The following HOTAIR variants were observed in gnomAD, a reference collection of about 807,000 sequenced individuals.
The protein encoded by HOTAIR is HOX transcript antisense RNA (non-protein coding).
rs146287117 is a variant in HOTAIR at position 53,973,630 on chromosome 12, C to T, written n.59+1268G>A. 6.2e-7 allele frequency: 1 copy of T among 1,613,770 alleles called. No homozygotes were observed. Among genetic ancestry groups the T allele is most frequent in the Non-Finnish European group, 8.5e-7 (1 of 1,180,018 alleles). ...GGCGGCCACCACCACCCCAGCGCCCCGCACGCAACCCCCGCCGGCTTCTAC... is the reference window on the plus strand; with the variant it reads ...GGCGGCCACCACCACCCCAGCGCCCTGCACGCAACCCCCGCCGGCTTCTAC... On this transcript the variant is annotated intron_variant and non_coding_transcript_variant, in intron 1 of 6. Coordinates refer to ENST00000424518, the Ensembl canonical transcript of HOTAIR. This position sits in a 1 kb window ranked among gnomAD's most constrained non-coding sequence, Gnocchi z 4.3.
intron 3 of HOTAIR, among the ~76,000 whole-genome samples, chr12:53,966,980 AAAG>A (rs1426075692): frequency 6.6e-6 from 1 of 152,212 alleles, no homozygotes; most frequent in Non-Finnish European, 1.5e-5. Context: ...GAACAGAGAG[AAAG>A]AAGGAGAGGA....
In HOTAIR at chr12:53,973,295, G is replaced by A. The variant is rs763832970; in HGVS notation, n.59+1603C>T. The A allele has an allele frequency of 1.2e-6, 2 of 1,613,828 alleles. No homozygotes were observed. The highest frequency in any genetic ancestry group is 1.7e-6 in the Non-Finnish European group (2 of 1,180,002). ...TCTGCTCTCCGTCGCGCAAGGAGAGGGGCGCAGATTTCGGCGAGCGAGGGA... is the reference window on the plus strand; with the variant it reads ...TCTGCTCTCCGTCGCGCAAGGAGAGAGGCGCAGATTTCGGCGAGCGAGGGA... On this transcript the variant is annotated intron_variant and non_coding_transcript_variant, in intron 1 of 6. Coordinates refer to ENST00000424518, the Ensembl canonical transcript of HOTAIR. The surrounding 1 kb of genome is among the most constrained non-coding windows in gnomAD (Gnocchi z 4.3).
chr12:53,970,494 G>A (rs150448491), intron 1 of HOTAIR, among the ~76,000 whole-genome samples: 57 of 152,324 alleles, frequency 3.7e-4, no homozygotes, highest in Non-Finnish European at 7.1e-4. Context: ...TTCCTTGACC[G>A]TAGCAGCAAC....
chr12:53,971,996 G>T (rs996135672), intron 1 of HOTAIR, among the ~76,000 whole-genome samples: 2 of 152,164 alleles, frequency 1.3e-5, no homozygotes, highest in Non-Finnish European at 1.5e-5. Flanking sequence ...GGGAGTGGCC[G>T]CTGGGCCTCC....
chr12:53,973,439 A>G lies in HOTAIR; in HGVS notation n.59+1459T>C. The G allele has an allele frequency of 6.2e-7, 1 of 1,613,950 alleles. No individual in the cohort carries two copies. The highest frequency in any genetic ancestry group is 8.5e-7 in the Non-Finnish European group (1 of 1,179,994). On this transcript the variant is annotated intron_variant and non_coding_transcript_variant, in intron 1 of 6. Coordinates refer to ENST00000424518, the Ensembl canonical transcript of HOTAIR. The surrounding 1 kb of genome is among the most constrained non-coding windows in gnomAD (Gnocchi z 4.3). ...AGATCTCCTATCCCTACTCGGCCCA[A>G]GTGCCCCCGGTCCGGGAGGTCTCCT...
rs1440324798 is a variant in HOTAIR, at chr12:53,973,225, G to C, written n.59+1673C>G. The C allele has an allele frequency of 6.5e-6, 10 of 1,537,206 alleles. No homozygotes were observed. The highest frequency in any genetic ancestry group is 8.7e-6 in the Non-Finnish European group (10 of 1,146,376). ...GGGTCCAAAACCTCCATCCGGAGCC[G>C]GCAGGAGAGGAGAACGATGTTTAAC... On this transcript the variant is annotated intron_variant and non_coding_transcript_variant, in intron 1 of 6. Coordinates refer to ENST00000424518, the Ensembl canonical transcript of HOTAIR. The surrounding 1 kb of genome is among the most constrained non-coding windows in gnomAD (Gnocchi z 4.3).
intron 3 of HOTAIR, chr12:53,966,639 C>T (rs1939059398): frequency 6.6e-6 from 1 of 152,254 alleles, no homozygotes; most frequent in Non-Finnish European, 1.5e-5. Flanking sequence ...ATGCTGCAGT[C>T]GGTGGAACTG....
chr12:53,973,730 C>A lies in HOTAIR; in HGVS notation n.59+1168G>T, dbSNP rs535587006. 109 of 1,612,126 alleles carry A rather than the reference C, an allele frequency of 6.8e-5. 2 individuals carry two copies. The South Asian group carries it at 1.1e-3, about 16-fold the overall frequency. On this transcript the variant is annotated intron_variant and non_coding_transcript_variant, in intron 1 of 6. Transcript: ENST00000424518. The surrounding 1 kb of genome is among the most constrained non-coding windows in gnomAD (Gnocchi z 4.3). ...TCGACAACGCCTACTGCGGTGGCGG[C>A]GACCCGCCCGCCGAGCCCCCCTGCT...
Position 53,973,627 on chromosome 12 carries a change from C to T in HOTAIR, n.59+1271G>A. ...TACGGCGGCCACCACCACCCCAGCG[C>T]CCCGCACGCAACCCCCGCCGGCTTC... On this transcript the variant is annotated intron_variant and non_coding_transcript_variant, in intron 1 of 6. Coordinates refer to ENST00000424518, the Ensembl canonical transcript of HOTAIR. This position sits in a 1 kb window ranked among gnomAD's most constrained non-coding sequence, Gnocchi z 4.3. The T allele has an allele frequency of 6.2e-7, 1 of 1,613,776 alleles. No homozygotes were observed. The highest frequency in any genetic ancestry group is 2.2e-5 in the East Asian group (1 of 44,876).
intron 1 of HOTAIR, chr12:53,974,821 C>T (rs1242132180): frequency 9.9e-6 from 2 of 202,210 alleles, no homozygotes. Context: ...GCTTTCCGAA[C>T]CACTAGGAGG....
chr12:53,973,276 C>A lies in HOTAIR; in HGVS notation n.59+1622G>T. The A allele has an allele frequency of 2.5e-6, 4 of 1,612,522 alleles. No individual in the cohort carries two copies. Among genetic ancestry groups the A allele is most frequent in the Non-Finnish European group, 3.4e-6 (4 of 1,179,576 alleles). On this transcript the variant is annotated intron_variant and non_coding_transcript_variant, in intron 1 of 6. Transcript: ENST00000424518. This position sits in a 1 kb window ranked among gnomAD's most constrained non-coding sequence, Gnocchi z 4.3. The stretch of plus-strand genomic sequence containing the variant: ...TCGGTCAACCTGGGCAACTTCTGCT[C>A]TCCGTCGCGCAAGGAGAGGGGCGCA...
At chr12:53,972,560 G>A (rs991231911) in intron 1 of HOTAIR, among the ~76,000 whole-genome samples, 2 of 152,186 alleles carry the variant, frequency 1.3e-5, no homozygotes, top group Non-Finnish European at 2.9e-5. Context: ...ATACTCTTCC[G>A]GGAGTCTCTC....
chr12:53,971,133 C>G (rs1209055988), intron 1 of HOTAIR, among the ~76,000 whole-genome samples: 30 of 152,214 alleles, frequency 2.0e-4, no homozygotes, highest in Non-Finnish European at 2.9e-5. Context: ...GGCCCCATCT[C>G]ACTCTATAAA....
At chr12:53,967,074 A>C (rs1389572732) in intron 3 of HOTAIR, among the ~76,000 whole-genome samples, 2 of 152,202 alleles carry the variant, frequency 1.3e-5, no homozygotes, top group African/African-American at 4.8e-5. Flanking sequence ...CTCTGGGCTC[A>C]TGGAGACATT....
At chr12:53,965,170 C>T (rs944329771) in intron 5 of HOTAIR, among the ~76,000 whole-genome samples, 20 of 152,164 alleles carry the variant, frequency 1.3e-4, no homozygotes, top group African/African-American at 4.6e-4. Context: ...CCTCAGATGT[C>T]TTAAGGGAAA....
At chr12:53,964,457 G>C (rs1276941980) in intron 5 of HOTAIR, among the ~76,000 whole-genome samples, 2 of 152,150 alleles carry the variant, frequency 1.3e-5, no homozygotes, top group Non-Finnish European at 2.9e-5. Flanking sequence ...GGGGAACAAA[G>C]ATCTTTGCCT....
rs1440324798 is a variant in HOTAIR at position 53,973,225 on chromosome 12, G to A, written n.59+1673C>T. Reference sequence around the variant, plus strand: ...GGGTCCAAAACCTCCATCCGGAGCCGGCAGGAGAGGAGAACGATGTTTAAC... The same window carrying A: ...GGGTCCAAAACCTCCATCCGGAGCCAGCAGGAGAGGAGAACGATGTTTAAC... On this transcript the variant is annotated intron_variant and non_coding_transcript_variant, in intron 1 of 6. Coordinates refer to ENST00000424518, the Ensembl canonical transcript of HOTAIR. The surrounding 1 kb of genome is among the most constrained non-coding windows in gnomAD (Gnocchi z 4.3). 6.5e-7 allele frequency: 1 copy of A among 1,537,206 alleles called. No homozygotes were observed. The highest frequency in any genetic ancestry group is 8.7e-7 in the Non-Finnish European group (1 of 1,146,376).
exon 7 of HOTAIR, chr12:53,962,827 G>A (rs1349136360): frequency 6.6e-6 from 1 of 152,102 alleles, no homozygotes; most frequent in Non-Finnish European, 1.5e-5. Flanking sequence ...TTTGTCCCAA[G>A]CTGGGGTCTA....
intron 1 of HOTAIR, among the ~76,000 whole-genome samples, chr12:53,969,971 G>A (rs370153225): frequency 2.6e-5 from 4 of 152,234 alleles, no homozygotes; most frequent in African/African-American, 9.6e-5. Context: ...GCCGCCCAGG[G>A]TAGAATTTAG....
Sources: gnomAD v4.1 joint callset for allele counts (sites outside exome capture counted in the v4.1 genomes callset) on GRCh38, gnomAD v4.1.1 for gene constraint, Gnocchi (gnomAD v3.1) non-coding constraint, MANE v1.5 for transcripts, NCBI Gene and HGNC (gene_info 2026-07-23, HGNC 2026-07-21) for gene names.